DNAL1: variants seen among roughly 807,000 people sequenced by gnomAD.
The protein encoded by DNAL1 is dynein axonemal light chain 1, also known as chromosome 14 open reading frame 168.
In DNAL1, 17 loss-of-function variants were observed where a neutral mutation model predicts 29.4. The ratio of observed to expected loss-of-function variants is 0.58; its 90% CI spans 0.40 to 0.87. DNAL1 has a LOEUF of 0.87. Ranked by LOEUF, DNAL1 falls within the 40% of genes least tolerant of loss-of-function variation. The pLI, the probability that DNAL1 is intolerant of heterozygous loss-of-function variation, is 0.00. For synonymous variants in DNAL1, 78 were observed against 76.3 expected, an observed-to-expected ratio of 1.02 and a Z score of -0.12; for missense variants, 188 against 214.1, an observed-to-expected ratio of 0.88 and a Z score of 0.76.
chr14:73,688,712 C>T (rs1157475992), intron 6 of DNAL1, among the ~76,000 whole-genome samples: 1 of 152,178 alleles, frequency 6.6e-6, no homozygotes, highest in Non-Finnish European at 1.5e-5. Flanking sequence ...GGAATGGGTA[C>T]AGACAAAGGC....
chr14:73,649,100 G>A (rs1465548851), intron 1 of DNAL1, among the ~76,000 whole-genome samples: 12 of 151,386 alleles, frequency 7.9e-5, no homozygotes, highest in East Asian at 1.9e-4. Flanking sequence ...TCAGCCTCCC[G>A]AATAGCTGGA....
intron 5 of DNAL1, among the ~76,000 whole-genome samples, chr14:73,681,910 C>T (rs189809682): frequency 4.4e-4 from 66 of 151,684 alleles, no homozygotes; most frequent in South Asian, 1.5e-3. Flanking sequence ...GTTGGGAGTT[C>T]GAGATCAGCC....
At chr14:73,689,604 GA>G in intron 7 of DNAL1, 89 bp downstream of exon 7, 3 of 1,523,732 alleles carry the variant, frequency 2.0e-6, no homozygotes, top group Non-Finnish European at 2.7e-6. Flanking sequence ...AAAAACTAAA[GA>G]AAAAATACCT....
intron 5 of DNAL1, among the ~76,000 whole-genome samples, chr14:73,681,633 A>ATATAT (rs1397342699): frequency 8.5e-5 from 3 of 35,396 alleles, no homozygotes; most frequent in Non-Finnish European, 1.2e-4. Flanking sequence ...AAAAAAAAAA[A>ATATAT]ATATATATAT....
chr14:73,649,894 C>G (rs766838966), intron 1 of DNAL1, among the ~76,000 whole-genome samples: 3 of 152,108 alleles, frequency 2.0e-5, no homozygotes, highest in Admixed American at 1.3e-4. Flanking sequence ...TACACACATC[C>G]TCCTGTATAC....
chr14:73,660,346 A>G (rs1055395995), intron 3 of DNAL1, among the ~76,000 whole-genome samples: 2 of 152,222 alleles, frequency 1.3e-5, no homozygotes, highest in African/African-American at 4.8e-5. Flanking sequence ...ATTTGAGGCA[A>G]TTATACCACG....
intron 1 of DNAL1, among the ~76,000 whole-genome samples, chr14:73,649,520 G>T (rs1457255303): frequency 2.6e-5 from 4 of 151,462 alleles, no homozygotes. Flanking sequence ...CTGACCTCGT[G>T]ATCCGCCCGC....
intron 2 of DNAL1, 45 bp from the exon 3 acceptor site, chr14:73,658,802 C>A: frequency 6.9e-7 from 1 of 1,458,254 alleles, no homozygotes; most frequent in Non-Finnish European, 9.4e-7. Context: ...TTTGTTTCCA[C>A]ATTGCAATCA....
At chr14:73,668,944 TG>T (rs1891549993) in intron 4 of DNAL1, among the ~76,000 whole-genome samples, 1 of 152,144 alleles carries the variant, frequency 6.6e-6, no homozygotes, top group Non-Finnish European at 1.5e-5. Flanking sequence ...CCCAAAGTGA[TG>T]GGATTACAGG....
In DNAL1 at chr14:73,654,885, G is replaced by A; in HGVS notation, c.42G>A (p.Trp14Ter). Residue 14 changes from tryptophan (W) to a stop codon, truncating the protein, a stop_gained and splice_region_variant, in exon 2 of 8, where the codon TGG becomes TGA. Transcript: ENST00000553645. LOFTEE classifies it high-confidence loss of function. ...ATTIKEALAR[W>*]EEKTGQRPSE... is the part of the protein sequence containing the mutation. ...CAATCAAAGAAGCCTTAGCGAGATG[G>A]GTGAGTACATGAGTTTTTCCTTCTT... 1 of 1,541,720 alleles carries A rather than the reference G, an allele frequency of 6.5e-7. No homozygotes were observed. Among genetic ancestry groups the A allele is most frequent in the Non-Finnish European group, 8.7e-7 (1 of 1,144,350 alleles).
chr14:73,683,161 C>T (rs1891932570), intron 5 of DNAL1, among the ~76,000 whole-genome samples: 1 of 152,070 alleles, frequency 6.6e-6, no homozygotes, highest in Admixed American at 6.6e-5. Context: ...CAGGCGTGAG[C>T]CACCGCGCCC....
At chr14:73,674,263 T>C (rs900024277) in intron 5 of DNAL1, among the ~76,000 whole-genome samples, 4 of 152,210 alleles carry the variant, frequency 2.6e-5, no homozygotes, top group African/African-American at 9.6e-5. Context: ...AGAATCTTTA[T>C]ACTTGGCTGT....
intron 4 of DNAL1, among the ~76,000 whole-genome samples, chr14:73,670,837 C>T (rs1228430200): frequency 6.6e-6 from 1 of 151,846 alleles, no homozygotes; most frequent in Non-Finnish European, 1.5e-5. Context: ...CCTGAATTCA[C>T]ACCATTCTCC....
chr14:73,663,615 A>G (rs1251902599), intron 4 of DNAL1, among the ~76,000 whole-genome samples: 1 of 152,192 alleles, frequency 6.6e-6, no homozygotes, highest in African/African-American at 2.4e-5. Flanking sequence ...CCATAGTTTG[A>G]AAAACACTAT....
rs1319653899 is a variant in DNAL1, at chr14:73,700,938, G to A, written c.*4996G>A. The A allele has an allele frequency of 2.6e-5, 4 of 152,160 alleles. No individual in the cohort carries two copies. The highest frequency in any genetic ancestry group is 9.7e-5 in the African/African-American group (4 of 41,436). The allele number at this position is 152,160 out of a possible 1,614,324, so 9.4% of individuals were successfully genotyped here. On this transcript the variant is annotated 3_prime_UTR_variant, in exon 8 of 8. Transcript: ENST00000553645. Reference sequence around the variant, plus strand: ...TCTTTTTGTAAACCATAAAATGGGTGAACTTCCAAAAATCAAGGGTCATGT... The same window carrying A: ...TCTTTTTGTAAACCATAAAATGGGTAAACTTCCAAAAATCAAGGGTCATGT...
intron 6 of DNAL1, among the ~76,000 whole-genome samples, chr14:73,687,947 CT>C (rs1340515946): frequency 6.6e-6 from 1 of 151,810 alleles, no homozygotes; most frequent in Non-Finnish European, 1.5e-5. Context: ...CGTAACAAAC[CT>C]GCACGTTGTA....
Position 73,671,595 on chromosome 14 carries a change from C to A in DNAL1, c.262C>A (p.Leu88Met). 1.0e-5 allele frequency: 15 copies of A among 1,472,170 alleles called. No homozygotes were observed. The highest frequency in any genetic ancestry group is 1.4e-5 in the Non-Finnish European group (15 of 1,103,590). The allele number at this position is 1,472,170 out of a possible 1,614,324, so 91.2% of individuals were successfully genotyped here. A position where few individuals can be genotyped will look rare whatever the true frequency, so the allele number is the denominator to read the frequency against. ...GRNNIKNLNGLEAVGDTLEEL... is the reference protein window; with the variant it reads ...GRNNIKNLNGMEAVGDTLEEL... ...AAACAACATAAAGAACTTAAATGGA[C>A]TGGTAGGTTGTTATTTATTATTATT... The change falls in exon 5 of 8, where the codon CTG becomes ATG. Residue 88 changes from leucine (L) to methionine (M), a missense_variant and splice_region_variant. By Grantham distance (15) the Leu-to-Met change is conservative. Transcript: ENST00000553645.
At chr14:73,690,520 T>C (rs950944142) in intron 7 of DNAL1, among the ~76,000 whole-genome samples, 19 of 151,742 alleles carry the variant, frequency 1.3e-4, no homozygotes, top group African/African-American at 4.4e-4. Context: ...GATGTGGTGG[T>C]GCATGCCTGT....
intron 1 of DNAL1, among the ~76,000 whole-genome samples, chr14:73,648,417 T>TATATATA (rs71112789): frequency 3.8e-5 from 5 of 132,798 alleles, no homozygotes; most frequent in African/African-American, 5.9e-5. Flanking sequence ...TATATATATA[T>TATATATA]TTGTTGTTTG....
Sources: allele counts gnomAD v4.1 joint callset (sites outside exome capture counted in the v4.1 genomes callset), GRCh38; gene constraint gnomAD v4.1.1; transcripts MANE v1.5; gene names NCBI Gene and HGNC (gene_info 2026-07-23, HGNC 2026-07-21).